FHIT: variants seen among roughly 807,000 people sequenced by gnomAD.
The protein encoded by FHIT is fragile histidine triad diadenosine triphosphatase, also known as bis(5'-adenosyl)-triphosphatase.
Under a neutral mutation model 17.9 loss-of-function variants are expected in FHIT, and 19 were observed. The observed-to-expected ratio is 1.06, with a 90% CI of 0.74 to 1.56. The LOEUF (loss-of-function observed/expected upper bound fraction) is 1.56, where lower values mean the gene tolerates loss of function less well. Ranked by LOEUF, FHIT falls within the 40% of genes most tolerant of loss-of-function variation. The probability of loss-of-function intolerance (pLI) is 0.00; values close to 1 mark genes in which losing one functional copy is unlikely to be tolerated. For missense variants in FHIT, 248 were observed against 189.2 expected (o/e 1.31, Z -1.82); for synonymous variants, 81 against 69.7 (o/e 1.16, Z -0.81).
At chr3:60,824,596 T>C (rs941186123) in intron 3 of FHIT, among the ~76,000 whole-genome samples, 2 of 152,172 alleles carry the variant, frequency 1.3e-5, no homozygotes, top group African/African-American at 2.4e-5. Flanking sequence ...CTCACTGATA[T>C]GGTTTGGCTG....
rs1559862352 is a variant in FHIT at position 60,955,615 on chromosome 3, T to TATACATATATATATATAC, written c.-111+86431_-111+86432insGTATATATATATATGTAT. On this transcript the variant is annotated intron_variant, in intron 3 of 9. Coordinates refer to ENST00000492590, the MANE Select transcript of FHIT (RefSeq NM_002012.4). ...ATATATACATATATATATATATATA[T>TATACATATATATATATAC]ATATATATATATATATATACACACA... 3.6e-3 allele frequency among the ~76,000 whole-genome samples: 45 copies of TATACATATATATATATAC among 12,382 alleles called. 4 individuals carry two copies. The highest frequency in any genetic ancestry group is 0.01 in the Non-Finnish European group (36 of 3,548). 8.1% of individuals were successfully genotyped at this position (12,382 alleles called of 152,430 possible). A position where few individuals can be genotyped will look rare whatever the true frequency, so the allele number is the denominator to read the frequency against.
At chr3:60,878,643 C>T (rs1368954582) in intron 3 of FHIT, among the ~76,000 whole-genome samples, 1 of 151,080 alleles carries the variant, frequency 6.6e-6, no homozygotes, top group African/African-American at 2.5e-5. Context: ...CTCCCCCTGC[C>T]CCCACCCCAC....
chr3:61,120,597 C>A (rs779206923), intron 2 of FHIT, among the ~76,000 whole-genome samples: 6 of 152,114 alleles, frequency 3.9e-5, no homozygotes, highest in African/African-American at 7.2e-5. Context: ...TTAGAAATCC[C>A]CAACCAACCA....
intron 5 of FHIT, among the ~76,000 whole-genome samples, chr3:60,326,673 T>C (rs1709710495): frequency 1.3e-5 from 2 of 152,290 alleles, no homozygotes; most frequent in South Asian, 4.1e-4. Context: ...TGGTAATTAC[T>C]GTGTACGATA....
At chr3:60,429,990 A>G (rs1159788219) in intron 5 of FHIT, among the ~76,000 whole-genome samples, 1 of 151,926 alleles carries the variant, frequency 6.6e-6, no homozygotes, top group Non-Finnish European at 1.5e-5. Flanking sequence ...TACCAGCTTA[A>G]GCCCGTGCCT....
intron 8 of FHIT, among the ~76,000 whole-genome samples, chr3:59,915,408 T>C (rs116147953): frequency 0.01 from 1,571 of 152,288 alleles, 28 homozygotes; most frequent in African/African-American, 0.035. Context: ...GAGAGCAATT[T>C]TGGGAAACTA....
intron 3 of FHIT, among the ~76,000 whole-genome samples, chr3:60,954,884 C>G (rs1209952634): frequency 1.3e-5 from 2 of 152,148 alleles, no homozygotes; most frequent in Admixed American, 1.3e-4. Flanking sequence ...CCTCACTTGG[C>G]TCAAAATACT....
intron 4 of FHIT, among the ~76,000 whole-genome samples, chr3:60,683,736 G>A (rs1486963958): frequency 6.6e-6 from 1 of 152,046 alleles, no homozygotes; most frequent in East Asian, 1.9e-4. Context: ...TTCTACTATG[G>A]TTATTTTACT....
chr3:59,983,761 G>A (rs1021203228), intron 7 of FHIT, among the ~76,000 whole-genome samples: 3 of 152,098 alleles, frequency 2.0e-5, no homozygotes, highest in Non-Finnish European at 4.4e-5. Flanking sequence ...AATCAGAGAA[G>A]AATGAGAGGA....
At chr3:61,214,611 T>C (rs572510246) in intron 1 of FHIT, among the ~76,000 whole-genome samples, 26 of 152,210 alleles carry the variant, frequency 1.7e-4, no homozygotes, top group South Asian at 2.1e-4. Context: ...CTTCTGAAAC[T>C]ATTCCAATCA....
chr3:60,966,929 TAGAG>T (rs1039761827), intron 3 of FHIT, among the ~76,000 whole-genome samples: 19 of 152,164 alleles, frequency 1.2e-4, no homozygotes, highest in Non-Finnish European at 1.9e-4. Context: ...CTTTTATAGT[TAGAG>T]AGAATTATCT....
intron 8 of FHIT, among the ~76,000 whole-genome samples, chr3:59,904,398 G>A (rs944477495): frequency 4.6e-5 from 7 of 152,002 alleles, no homozygotes; most frequent in African/African-American, 1.7e-4. Flanking sequence ...ATTTGAAGTT[G>A]CATCAAAATC....
rs151236034 is a variant in FHIT, at chr3:60,090,907, G to A, written c.104-76755C>T. Reference sequence around the variant, plus strand: ...CAAGGTGGAAGTGAAGGAAGTCAAGGAGCAAAGCAAGTTGAAGCAGGTAAG... The same window carrying A: ...CAAGGTGGAAGTGAAGGAAGTCAAGAAGCAAAGCAAGTTGAAGCAGGTAAG... On this transcript the variant is annotated intron_variant, in intron 5 of 9. Transcript: ENST00000492590. Among the ~76,000 whole-genome samples the A allele has an allele frequency of 5.4e-3, 816 of 152,270 alleles. 3 individuals are homozygous for A. The highest frequency in any genetic ancestry group is 0.019 in the African/African-American group (773 of 41,562).
intron 5 of FHIT, among the ~76,000 whole-genome samples, chr3:60,274,033 C>T (rs1311016823): frequency 6.6e-6 from 1 of 152,068 alleles, no homozygotes; most frequent in Non-Finnish European, 1.5e-5. Flanking sequence ...TAATGATAAG[C>T]CTTTGAGTTC....
At chr3:59,799,469 T>C (rs969801150) in intron 8 of FHIT, among the ~76,000 whole-genome samples, 2 of 152,146 alleles carry the variant, frequency 1.3e-5, no homozygotes, top group Non-Finnish European at 2.9e-5. Flanking sequence ...AATCTGTGGA[T>C]ATTTTGTTCA....
intron 8 of FHIT, among the ~76,000 whole-genome samples, chr3:59,770,974 G>A (rs776825906): frequency 6.6e-6 from 1 of 152,204 alleles, no homozygotes; most frequent in South Asian, 2.1e-4. Context: ...TAAAAGTCAA[G>A]CTTAGATGGT....
At chr3:60,956,068 A>C (rs367780188) in intron 3 of FHIT, among the ~76,000 whole-genome samples, 1 of 152,192 alleles carries the variant, frequency 6.6e-6, no homozygotes, top group Non-Finnish European at 1.5e-5. Flanking sequence ...AGAATAGTCC[A>C]AAGGTTTCTA....
At chr3:60,943,253 C>T (rs1181379379) in intron 3 of FHIT, among the ~76,000 whole-genome samples, 2 of 151,998 alleles carry the variant, frequency 1.3e-5, no homozygotes, top group African/African-American at 2.4e-5. Flanking sequence ...TTCTTGGTGA[C>T]TGTGTCAATT....
intron 2 of FHIT, among the ~76,000 whole-genome samples, chr3:61,069,206 C>T (rs1028705846): frequency 6.6e-6 from 1 of 152,010 alleles, no homozygotes; most frequent in Non-Finnish European, 1.5e-5. Context: ...TTTCGTGGCA[C>T]ATATAATGGA....
Sources: allele counts gnomAD v4.1 joint callset (sites outside exome capture counted in the v4.1 genomes callset), GRCh38; gene constraint gnomAD v4.1.1; transcripts MANE v1.5; gene names NCBI Gene and HGNC (gene_info 2026-07-23, HGNC 2026-07-21).